ZNF385D: variants seen among roughly 807,000 people sequenced by gnomAD.
The protein encoded by ZNF385D is zinc finger protein 385D, also known as zinc finger protein 659.
ZNF385D carries 15 observed loss-of-function variants against 35.8 expected under a neutral mutation model. The ratio of observed to expected loss-of-function variants is 0.42; its 90% CI spans 0.28 to 0.64. The LOEUF (loss-of-function observed/expected upper bound fraction) is 0.64, where lower values mean the gene tolerates loss of function less well. Ranked by LOEUF, ZNF385D falls within the 30% of genes least tolerant of loss-of-function variation. The probability of loss-of-function intolerance (pLI) is 0.23; values close to 1 mark genes in which losing one functional copy is unlikely to be tolerated. For synonymous variants in ZNF385D, 212 were observed against 186.8 expected, an observed-to-expected ratio of 1.13 and a Z score of -1.10; for missense variants, 474 against 494.6, an observed-to-expected ratio of 0.96 and a Z score of 0.39.
At chr3:21,749,518 C>A (rs1187540764) in intron 1 of ZNF385D, among the ~76,000 whole-genome samples, 1 of 152,170 alleles carries the variant, frequency 6.6e-6, no homozygotes, top group African/African-American at 2.4e-5. Flanking sequence ...ACAAGCTTTT[C>A]CATTTATGAA....
At chr3:22,099,715 T>C (rs986284244) in intron 3 of ZNF385D, among the ~76,000 whole-genome samples, 1 of 151,760 alleles carries the variant, frequency 6.6e-6, no homozygotes, top group Non-Finnish European at 1.5e-5. Context: ...GGGATACCAA[T>C]AGAAGGATGG....
At chr3:22,109,062 G>A (rs1702375218) in intron 3 of ZNF385D, among the ~76,000 whole-genome samples, 2 of 152,024 alleles carry the variant, frequency 1.3e-5, no homozygotes, top group Non-Finnish European at 2.9e-5. Context: ...GACGAACGAC[G>A]CAATACATAG....
chr3:21,704,377 G>A (rs1254601063), intron 1 of ZNF385D, among the ~76,000 whole-genome samples: 2 of 151,878 alleles, frequency 1.3e-5, no homozygotes, highest in African/African-American at 2.4e-5. Context: ...TCAGAGTCCC[G>A]AGCACACATT....
intron 4 of ZNF385D, among the ~76,000 whole-genome samples, chr3:21,470,140 C>G (rs1346815698): frequency 6.6e-6 from 1 of 152,120 alleles, no homozygotes; most frequent in South Asian, 2.1e-4. Flanking sequence ...GTAAGAGAAC[C>G]CATTATGTAC....
chr3:22,077,904 C>T (rs922048506), intron 3 of ZNF385D, among the ~76,000 whole-genome samples: 2 of 152,010 alleles, frequency 1.3e-5, no homozygotes, highest in African/African-American at 4.8e-5. Context: ...TGCTCAATCA[C>T]TCCATGTCTG....
intron 2 of ZNF385D, among the ~76,000 whole-genome samples, chr3:22,283,755 G>A (rs1701887655): frequency 6.6e-6 from 1 of 152,152 alleles, no homozygotes; most frequent in Admixed American, 6.6e-5. Flanking sequence ...CCCTAGCACA[G>A]TGATCACCCA....
Position 22,111,475 on chromosome 3 carries a change from C to T in ZNF385D, c.325+57342G>A, listed in dbSNP as rs190011713. On this transcript the variant is annotated intron_variant, in intron 3 of 5. Transcript: ENST00000494108. ...CTACTGGGGTACGCACATGGTGACGCGATCATCAAATGTCATTCTGTTCAC... is the reference window on the plus strand; with the variant it reads ...CTACTGGGGTACGCACATGGTGACGTGATCATCAAATGTCATTCTGTTCAC... 2.8e-4 allele frequency among the ~76,000 whole-genome samples: 43 copies of T among 152,072 alleles called. 1 individual carries two copies. The highest frequency in any genetic ancestry group is 2.6e-4 in the Non-Finnish European group (18 of 67,984).
chr3:21,735,869 C>T (rs1428793656), intron 1 of ZNF385D, among the ~76,000 whole-genome samples: 1 of 152,150 alleles, frequency 6.6e-6, no homozygotes, highest in Non-Finnish European at 1.5e-5. Context: ...GCAGGGATTG[C>T]TATGATTGTC....
chr3:21,631,840 G>C (rs1559474763), intron 2 of ZNF385D, among the ~76,000 whole-genome samples: 1 of 152,096 alleles, frequency 6.6e-6, no homozygotes, highest in Non-Finnish European at 1.5e-5. Context: ...ACATTTTAGG[G>C]ATGCAATCTC....
At chr3:21,568,124 A>AATT (rs2063212323) in intron 2 of ZNF385D, among the ~76,000 whole-genome samples, 1 of 152,172 alleles carries the variant, frequency 6.6e-6, no homozygotes, top group African/African-American at 2.4e-5. Context: ...CATCAAAAGT[A>AATT]ATTATCTTTT....
chr3:21,681,687 T>TTTAAAAAAACGAAAAAAAAAAAAAAAA (rs2066912742), intron 1 of ZNF385D, among the ~76,000 whole-genome samples: 1 of 41,812 alleles, frequency 2.4e-5, no homozygotes, highest in African/African-American at 7.9e-5. Context: ...CTAAGAATGA[T>TTTAAAAAAACGAAAAAAAAAAAAAAAA]AAAAAAAAAC....
At chr3:22,334,670 T>C (rs1052212130) in intron 2 of ZNF385D, among the ~76,000 whole-genome samples, 19 of 152,282 alleles carry the variant, frequency 1.2e-4, no homozygotes, top group African/African-American at 4.3e-4. Flanking sequence ...CATCAGTCCA[T>C]TGTTTCAGAT....
chr3:22,200,770 G>A (rs978509592), intron 2 of ZNF385D, among the ~76,000 whole-genome samples: 17 of 151,974 alleles, frequency 1.1e-4, no homozygotes, highest in African/African-American at 2.2e-4. Flanking sequence ...ACCCCCAGGC[G>A]CCTATTCTCT....
chr3:21,823,257 G>A (rs1694390217), intron 3 of ZNF385D, among the ~76,000 whole-genome samples: 2 of 152,108 alleles, frequency 1.3e-5, no homozygotes, highest in Admixed American at 1.3e-4. Context: ...ACTAAATTTG[G>A]TAAGTTAAAA....
At chr3:21,427,281 A>G (rs1559438268) in intron 5 of ZNF385D, among the ~76,000 whole-genome samples, 1 of 152,182 alleles carries the variant, frequency 6.6e-6, no homozygotes, top group Non-Finnish European at 1.5e-5. Flanking sequence ...TTTTATACAA[A>G]ATGTTTCTAT....
chr3:21,481,617 C>T (rs984568043), intron 4 of ZNF385D, among the ~76,000 whole-genome samples: 1 of 152,078 alleles, frequency 6.6e-6, no homozygotes, highest in Non-Finnish European at 1.5e-5. Flanking sequence ...CAAACTGTAA[C>T]TCCTGGCCTC....
intron 4 of ZNF385D, among the ~76,000 whole-genome samples, chr3:21,437,696 T>A (rs1204782430): frequency 5.2e-4 from 1 of 1,922 alleles, no homozygotes; most frequent in African/African-American, 1.5e-3. Context: ...TTGCAAATGC[T>A]TATACAAAAA....
Position 21,465,156 on chromosome 3 carries a change from A to G in ZNF385D, c.440-27953T>C, listed in dbSNP as rs746717633. ...TTTTGTTAAATATTTCTTTGCACGT[A>G]AGTTTTCACTGTGCCCTTGAACACA... On this transcript the variant is annotated intron_variant, in intron 4 of 7. Transcript: ENST00000281523. This position sits in a 1 kb window ranked among gnomAD's most constrained non-coding sequence, Gnocchi z 4.2. Among the ~76,000 whole-genome samples the G allele has an allele frequency of 3.0e-4, 45 of 152,110 alleles. No individual in the cohort carries two copies. Among genetic ancestry groups the G allele is most frequent in the Non-Finnish European group, 6.2e-4 (42 of 68,018 alleles).
intron 3 of ZNF385D, among the ~76,000 whole-genome samples, chr3:21,973,935 G>A (rs1035449231): frequency 2.0e-5 from 3 of 151,882 alleles, no homozygotes; most frequent in African/African-American, 4.8e-5. Flanking sequence ...TCAAAAAAAT[G>A]AAAAGGTATT....
Sources: allele counts gnomAD v4.1 joint callset (sites outside exome capture counted in the v4.1 genomes callset), GRCh38; gene constraint gnomAD v4.1.1; non-coding constraint Gnocchi (gnomAD v3.1); transcripts MANE v1.5; gene names NCBI Gene and HGNC (gene_info 2026-07-23, HGNC 2026-07-21).